Variants in HS3ST4 observed in about 807,000 individuals in gnomAD.
The protein encoded by HS3ST4 is heparan sulfate-glucosamine 3-sulfotransferase 4.
A neutral mutation model predicts 29.2 loss-of-function variants in HS3ST4; 17 were observed. The observed-to-expected ratio is 0.58, with a 90% CI of 0.40 to 0.87. The LOEUF is 0.87. Ranked by LOEUF, HS3ST4 falls within the 40% of genes least tolerant of loss-of-function variation. The pLI, the probability that HS3ST4 is intolerant of heterozygous loss-of-function variation, is 0.00. For synonymous variants in HS3ST4, 314 were observed against 285.7 expected (o/e 1.10, Z -1.00); for missense variants, 627 against 634.5 (o/e 0.99, Z 0.13).
chr16:26,028,645 T>C (rs1351169635), intron 1 of HS3ST4, among the ~76,000 whole-genome samples: 1 of 152,134 alleles, frequency 6.6e-6, no homozygotes, highest in African/African-American at 2.4e-5. Context: ...GAGATGAGGG[T>C]GACGTGGCAG....
At chr16:25,707,513 G>A (rs1328696126) in intron 1 of HS3ST4, among the ~76,000 whole-genome samples, 3 of 152,144 alleles carry the variant, frequency 2.0e-5, no homozygotes, top group Non-Finnish European at 2.9e-5. Context: ...CTGTAGATGA[G>A]GGGGCACTAT....
At chr16:26,129,801 T>C (rs1386005669) in intron 1 of HS3ST4, among the ~76,000 whole-genome samples, 4 of 152,192 alleles carry the variant, frequency 2.6e-5, no homozygotes, top group Non-Finnish European at 5.9e-5. Context: ...CTTGGAGACG[T>C]CAGTCTAGCT....
chr16:25,903,036 T>C (rs1316633625), intron 1 of HS3ST4, among the ~76,000 whole-genome samples: 2 of 139,164 alleles, frequency 1.4e-5, no homozygotes, highest in Non-Finnish European at 3.1e-5. Flanking sequence ...AAAAAAAAAA[T>C]GTATGGTGTT....
At chr16:25,789,703 G>A (rs1966864802) in intron 1 of HS3ST4, among the ~76,000 whole-genome samples, 1 of 152,036 alleles carries the variant, frequency 6.6e-6, no homozygotes, top group African/African-American at 2.4e-5. Context: ...CCTAGATCCA[G>A]AACACTGCCC....
At chr16:25,963,343 C>T (rs1215919153) in intron 1 of HS3ST4, among the ~76,000 whole-genome samples, 1 of 152,152 alleles carries the variant, frequency 6.6e-6, no homozygotes, top group African/African-American at 2.4e-5. Context: ...CTTTCTCCCC[C>T]AACTTCTACT....
chr16:25,845,647 G>GTAATAA (rs60639924), intron 1 of HS3ST4, among the ~76,000 whole-genome samples: 24,819 of 143,014 alleles, frequency 0.17, 2,255 homozygotes, highest in South Asian at 0.31. Context: ...GGAATAGCAT[G>GTAATAA]TAATAATAAT....
At chr16:25,848,202 G>A (rs1485553297) in intron 1 of HS3ST4, among the ~76,000 whole-genome samples, 3 of 152,014 alleles carry the variant, frequency 2.0e-5, no homozygotes, top group South Asian at 2.1e-4. Flanking sequence ...GCAGTGGCAC[G>A]ATCAAGGCTC....
rs199510584 is a variant in HS3ST4, at chr16:26,107,289, TTA to T, written c.735-28317_735-28316del. ...CATATATATGTAGTTTTATGTATGT[TTA>T]TATATGTGTGTGTGTGTGTATATAT... On this transcript the variant is annotated intron_variant, in intron 1 of 1. Coordinates refer to ENST00000331351, the MANE Select transcript of HS3ST4 (RefSeq NM_006040.3). 5.5e-3 allele frequency among the ~76,000 whole-genome samples: 841 copies of T among 151,726 alleles called. 8 individuals are homozygous for T. Among genetic ancestry groups the T allele is most frequent in the African/African-American group, 0.019 (787 of 41,330 alleles).
chr16:26,001,524 T>TAACA (rs1236596535), intron 1 of HS3ST4, among the ~76,000 whole-genome samples: 2 of 152,174 alleles, frequency 1.3e-5, no homozygotes, highest in Non-Finnish European at 2.9e-5. Flanking sequence ...TTGTAGGCCA[T>TAACA]AACAAGGTAA....
Position 26,136,405 on chromosome 16 carries a change from G to A in HS3ST4, c.*157G>A, listed in dbSNP as rs1898284780. On this transcript the variant is annotated 3_prime_UTR_variant, in exon 2 of 2. Coordinates refer to ENST00000331351, the MANE Select transcript of HS3ST4 (RefSeq NM_006040.3). ...ATTGCCTCCAGTGCTGTTAGCTTAG[G>A]CAAACAGGTGGATCCCATGGCATCC... is the stretch of plus-strand genomic sequence containing the variant. The A allele has an allele frequency of 5.7e-6, 4 of 698,932 alleles. No homozygotes were observed. The highest frequency in any genetic ancestry group is 2.7e-5 in the East Asian group (1 of 36,690). 43.3% of individuals were successfully genotyped at this position (698,932 alleles called of 1,614,324 possible).
chr16:25,942,467 C>T (rs1968581376), intron 1 of HS3ST4, among the ~76,000 whole-genome samples: 1 of 152,104 alleles, frequency 6.6e-6, no homozygotes, highest in African/African-American at 2.4e-5. Flanking sequence ...ATTCAAAATC[C>T]TTTCTCAAAG....
intron 1 of HS3ST4, among the ~76,000 whole-genome samples, chr16:25,770,699 T>C (rs1288162154): frequency 6.6e-6 from 1 of 152,162 alleles, no homozygotes; most frequent in Non-Finnish European, 1.5e-5. Context: ...TTTGTACATA[T>C]ATTGATGCAT....
intron 1 of HS3ST4, among the ~76,000 whole-genome samples, chr16:25,936,486 GA>G (rs1311931181): frequency 6.6e-6 from 1 of 152,150 alleles, no homozygotes; most frequent in Non-Finnish European, 1.5e-5. Flanking sequence ...CAAAAAATGA[GA>G]AGAAAAGCCA....
chr16:26,050,892 GCTTCTA>G (rs1158600276), intron 1 of HS3ST4, among the ~76,000 whole-genome samples: 4 of 152,196 alleles, frequency 2.6e-5, no homozygotes, highest in Non-Finnish European at 4.4e-5. Flanking sequence ...GAAAGATAGA[GCTTCTA>G]CTCAGAAGGC....
intron 1 of HS3ST4, among the ~76,000 whole-genome samples, chr16:25,902,354 G>A (rs1968127476): frequency 6.6e-6 from 1 of 151,998 alleles, no homozygotes; most frequent in South Asian, 2.1e-4. Flanking sequence ...AAATTAGCTG[G>A]GTGTGGTGGT....
intron 1 of HS3ST4, among the ~76,000 whole-genome samples, chr16:26,087,203 A>T (rs1367337054): frequency 1.3e-5 from 2 of 152,194 alleles, no homozygotes; most frequent in African/African-American, 4.8e-5. Context: ...TTGACCATTA[A>T]AGTAGGTGGC....
At chr16:25,747,770 C>G (rs1253404460) in intron 1 of HS3ST4, among the ~76,000 whole-genome samples, 1 of 152,156 alleles carries the variant, frequency 6.6e-6, no homozygotes, top group Non-Finnish European at 1.5e-5. Context: ...GATGTTTTCT[C>G]TAGCATTGCA....
In HS3ST4 at chr16:25,692,614, A is replaced by T; in HGVS notation, c.197A>T (p.Gln66Leu). Residue 66 changes from glutamine to leucine, a missense_variant, in exon 1 of 2, where the codon CAG (glutamine) becomes CTG (leucine). By Grantham distance (113) the Gln-to-Leu change is moderately radical. Coordinates refer to ENST00000331351, the MANE Select transcript of HS3ST4 (RefSeq NM_006040.3). ...SGSLQFPLAL[Q>L]ESPGAAAEPP... ...TCCCTGCAATTCCCTCTGGCGCTGC[A>T]GGAGTCGCCGGGCGCCGCCGCCGAG... 1 of 1,378,810 alleles carries T rather than the reference A, an allele frequency of 7.3e-7. No homozygotes were observed. The highest frequency in any genetic ancestry group is 9.5e-7 in the Non-Finnish European group (1 of 1,056,018). The allele number at this position is 1,378,810 out of a possible 1,614,324, so 85.4% of individuals were successfully genotyped here.
rs747307704 is a variant in HS3ST4 at position 25,748,536 on chromosome 16, A to G, written c.734+55385A>G. On this transcript the variant is annotated intron_variant, in intron 1 of 1. Coordinates refer to ENST00000331351, the MANE Select transcript of HS3ST4 (RefSeq NM_006040.3). ...CAATGCAGAATCCTCTGGAAATCTC[A>G]GAATCAAAAAGCTCCATGATAAAAA... 3.4e-4 allele frequency among the ~76,000 whole-genome samples: 52 copies of G among 152,332 alleles called. 1 individual carries two copies. The highest frequency in any genetic ancestry group is 6.5e-4 in the Non-Finnish European group (44 of 68,028).
Sources: gnomAD v4.1 joint callset for allele counts (sites outside exome capture counted in the v4.1 genomes callset) on GRCh38, gnomAD v4.1.1 for gene constraint, MANE v1.5 for transcripts, NCBI Gene and HGNC (gene_info 2026-07-23, HGNC 2026-07-21) for gene names.